The following ERH variants were observed in gnomAD, a reference collection of about 807,000 sequenced individuals.
ERH encodes the protein ERH mRNA splicing and mitosis factor, also known as enhancer of rudimentary homolog.
In ERH, 1 loss-of-function variant was observed where a neutral mutation model predicts 16.8. The ratio of observed to expected loss-of-function variants is 0.06; its 90% CI spans 0.02 to 0.28. The LOEUF (loss-of-function observed/expected upper bound fraction) is 0.28, where lower values mean the gene tolerates loss of function less well. Among genes scored for constraint, ERH ranks in the 10% least tolerant of loss-of-function variants. The probability of loss-of-function intolerance (pLI) is 1.00; values close to 1 mark genes in which losing one functional copy is unlikely to be tolerated. For missense variants in ERH, 42 were observed against 127.5 expected (o/e 0.33, Z 3.23); for synonymous variants, 43 against 43.6 (o/e 0.99, Z 0.05).
chr14:69,395,176 AT>A (rs1283220286), intron 1 of ERH, among the ~76,000 whole-genome samples: 1 of 152,122 alleles, frequency 6.6e-6, no homozygotes, highest in African/African-American at 2.4e-5. Flanking sequence ...TGCCGGGTGC[AT>A]GCCTGTAGTC....
At chr14:69,394,436 T>A (rs1594889688) in intron 2 of ERH, among the ~76,000 whole-genome samples, 1 of 152,060 alleles carries the variant, frequency 6.6e-6, no homozygotes, top group African/African-American at 2.4e-5. Flanking sequence ...CTCTACTAAA[T>A]ACACAAAAAA....
intron 2 of ERH, among the ~76,000 whole-genome samples, chr14:69,391,764 T>G (rs1003217652): frequency 1.4e-5 from 2 of 142,348 alleles, no homozygotes; most frequent in Admixed American, 1.4e-4. Flanking sequence ...AAGGCAAAAC[T>G]ACAGATATGG....
In ERH at chr14:69,380,529, C is replaced by T; in HGVS notation, c.*9G>A. On this transcript the variant is annotated 3_prime_UTR_variant, in exon 4 of 4. Transcript: ENST00000557016. Reference sequence around the variant, plus strand: ...GCCCACCCCAACCCCCCCAGTGCTTCCAACACAATTATTTCCCAGCCTGTT... The same window carrying T: ...GCCCACCCCAACCCCCCCAGTGCTTTCAACACAATTATTTCCCAGCCTGTT... 1 of 1,083,020 alleles carries T rather than the reference C, an allele frequency of 9.2e-7. No individual in the cohort carries two copies. The highest frequency in any genetic ancestry group is 1.4e-6 in the Non-Finnish European group (1 of 715,332). The allele number at this position is 1,083,020 out of a possible 1,614,324, so 67.1% of individuals were successfully genotyped here. A position where few individuals can be genotyped will look rare whatever the true frequency, so the allele number is the denominator to read the frequency against.
chr14:69,393,725 A>C (rs4902717), intron 2 of ERH, among the ~76,000 whole-genome samples: 68,655 of 152,006 alleles, frequency 0.45, 15,687 homozygotes, highest in Middle Eastern at 0.59. Context: ...GATGGCTACA[A>C]TAAAAGCCCA....
chr14:69,397,295 G>C (rs1882367023), intron 1 of ERH, among the ~76,000 whole-genome samples: 1 of 152,100 alleles, frequency 6.6e-6, no homozygotes, highest in South Asian at 2.1e-4. Context: ...CTTCGAATTG[G>C]AGCTTACTGA....
chr14:69,397,615 T>C (rs1320821258), intron 1 of ERH, among the ~76,000 whole-genome samples: 3 of 152,154 alleles, frequency 2.0e-5, no homozygotes, highest in East Asian at 3.9e-4. Flanking sequence ...CTAGAGCATT[T>C]GGAGGGAAAA....
At chr14:69,392,992 G>A (rs1882251515) in intron 2 of ERH, among the ~76,000 whole-genome samples, 1 of 152,180 alleles carries the variant, frequency 6.6e-6, no homozygotes, top group Non-Finnish European at 1.5e-5. Context: ...GTAAAGAGAT[G>A]AAGAAAAAAA....
intron 2 of ERH, among the ~76,000 whole-genome samples, chr14:69,388,378 G>C (rs184957874): frequency 1.2e-4 from 17 of 144,680 alleles, no homozygotes; most frequent in African/African-American, 4.3e-4. Flanking sequence ...TTTTTTCTTT[G>C]AGATGGAGTT....
At position 69,380,382 on chromosome 14, in the gene ERH, T is replaced by C; in HGVS notation, c.*156A>G. On this transcript the variant is annotated 3_prime_UTR_variant, in exon 4 of 4. Coordinates refer to ENST00000557016, the MANE Select transcript of ERH (RefSeq NM_004450.3). ...AGAGGAGGTAACGGGGGTTTCCGAT[T>C]GAACAAGATCCTCACATTTCATCTA... is the stretch of plus-strand genomic sequence containing the variant. The C allele has an allele frequency of 2.2e-6, 1 of 450,870 alleles. No individual in the cohort carries two copies. 27.9% of individuals were successfully genotyped at this position (450,870 alleles called of 1,614,324 possible).
At chr14:69,382,292 T>G (rs1284956927) in intron 3 of ERH, among the ~76,000 whole-genome samples, 1 of 152,200 alleles carries the variant, frequency 6.6e-6, no homozygotes, top group Admixed American at 6.5e-5. Flanking sequence ...TAAAATTTAA[T>G]TTTTTCTGAA....
intron 2 of ERH, among the ~76,000 whole-genome samples, chr14:69,389,039 G>A (rs984985024): frequency 9.9e-5 from 15 of 151,222 alleles, no homozygotes; most frequent in African/African-American, 1.7e-4. Flanking sequence ...TTTTTTTTGA[G>A]ATGGATTTTT....
intron 3 of ERH, among the ~76,000 whole-genome samples, chr14:69,381,900 G>T (rs767978147): frequency 7.2e-5 from 11 of 152,242 alleles, no homozygotes; most frequent in Non-Finnish European, 1.2e-4. Flanking sequence ...ATGTTGGCCA[G>T]GTTGGTCTTG....
At chr14:69,395,759 C>G (rs1882319633) in intron 1 of ERH, among the ~76,000 whole-genome samples, 1 of 152,176 alleles carries the variant, frequency 6.6e-6, no homozygotes, top group Admixed American at 6.5e-5. Flanking sequence ...CCTTAAAAAT[C>G]CATTAAACTA....
At chr14:69,398,179 C>T (rs1173568229) in intron 1 of ERH, 52 bp downstream of exon 1, 5 of 1,611,568 alleles carry the variant, frequency 3.1e-6, no homozygotes, top group Admixed American at 1.7e-5. Flanking sequence ...GGGCTGGGGT[C>T]GCTCTGGAGG....
chr14:69,387,214 T>TA lies in ERH; in HGVS notation c.92-132dup. 7.4e-6 allele frequency: 5 copies of TA among 675,788 alleles called. No homozygotes were observed. In the South Asian group the frequency reaches 1.2e-4, roughly 16 times the overall value. 41.9% of individuals were successfully genotyped at this position (675,788 alleles called of 1,614,324 possible). A position where few individuals can be genotyped will look rare whatever the true frequency, so the allele number is the denominator to read the frequency against. ...TAAAGTTGGGCTGGGGAAAAGATGA[T>TA]AGATTGATGGCTTTTGATTATTGCC... On this transcript the variant is annotated intron_variant, in intron 2 of 3. Coordinates refer to ENST00000557016, the MANE Select transcript of ERH (RefSeq NM_004450.3).
At chr14:69,384,676 T>C (rs550779594) in intron 3 of ERH, among the ~76,000 whole-genome samples, 1 of 152,060 alleles carries the variant, frequency 6.6e-6, no homozygotes, top group African/African-American at 2.4e-5. Context: ...AATAGAAAAT[T>C]ATCAATAATT....
At chr14:69,392,980 C>T (rs1270163914) in intron 2 of ERH, among the ~76,000 whole-genome samples, 2 of 152,124 alleles carry the variant, frequency 1.3e-5, no homozygotes, top group Non-Finnish European at 2.9e-5. Flanking sequence ...AGAAATGGAT[C>T]TGTAAAGAGA....
intron 2 of ERH, among the ~76,000 whole-genome samples, chr14:69,391,626 T>G (rs911918741): frequency 1.7e-5 from 2 of 118,062 alleles, no homozygotes; most frequent in Non-Finnish European, 3.2e-5. Flanking sequence ...CCAGCCTGGG[T>G]GACAGAGTAA....
chr14:69,396,315 G>A (rs1594890279), intron 1 of ERH, among the ~76,000 whole-genome samples: 3 of 152,232 alleles, frequency 2.0e-5, no homozygotes, highest in African/African-American at 2.4e-5. Flanking sequence ...AGGCTGGAGC[G>A]CAAAGGCGCG....
Sources: allele counts gnomAD v4.1 joint callset (sites outside exome capture counted in the v4.1 genomes callset), GRCh38; gene constraint gnomAD v4.1.1; transcripts MANE v1.5; gene names NCBI Gene and HGNC (gene_info 2026-07-23, HGNC 2026-07-21).